The following FXR1 variants were observed in gnomAD, a reference collection of about 807,000 sequenced individuals.
FXR1 encodes RNA-binding protein FXR1.
A neutral mutation model predicts 84.0 loss-of-function variants in FXR1; 15 were observed. That is an observed-to-expected ratio of 0.18 (90% CI 0.12 to 0.27). The LOEUF (loss-of-function observed/expected upper bound fraction) is 0.27. Among genes scored for constraint, FXR1 ranks in the 10% least tolerant of loss-of-function variants. FXR1 has a pLI of 1.00. For synonymous variants in FXR1, 245 were observed against 250.7 expected (o/e 0.98, Z 0.21); for missense variants, 480 against 774.4 (o/e 0.62, Z 4.51).
chr3:180,963,241 A>G (rs1712372108), intron 13 of FXR1, 151 bp downstream of exon 13: 1 of 549,730 alleles, frequency 1.8e-6, no homozygotes, highest in Non-Finnish European at 3.2e-6. Context: ...ACACGTCTTA[A>G]TAGTAGTGAT....
intron 3 of FXR1, among the ~76,000 whole-genome samples, chr3:180,938,986 C>T (rs1210023897): frequency 1.3e-5 from 2 of 152,040 alleles, no homozygotes; most frequent in South Asian, 2.1e-4. Flanking sequence ...ACCTCCACCT[C>T]CCGATTTTAA....
At position 180,968,260 on chromosome 3, in the gene FXR1, C is replaced by T. The variant is rs775609232; in HGVS notation, c.1402+6C>T. On this transcript the variant is annotated splice_donor_region_variant and intron_variant, in intron 14 of 16. Transcript: ENST00000357559. ...CAAATCCTCCATCAGTTCTGGTAGTCTTTTCTATACTCTGTCAGCATCCAT... is the reference window on the plus strand; with the variant it reads ...CAAATCCTCCATCAGTTCTGGTAGTTTTTTCTATACTCTGTCAGCATCCAT... 1.2e-4 allele frequency: 186 copies of T among 1,544,810 alleles called. No homozygotes were observed. The highest frequency in any genetic ancestry group is 1.6e-4 in the Non-Finnish European group (175 of 1,117,534).
At position 180,955,289 on chromosome 3, in the gene FXR1, G is replaced by A. The variant is rs141002367; in HGVS notation, c.880+1449G>A. Among the ~76,000 whole-genome samples the A allele has an allele frequency of 8.5e-3, 1,295 of 152,100 alleles. 23 individuals are homozygous for A. Among genetic ancestry groups the A allele is most frequent in the African/African-American group, 0.03 (1,233 of 41,494 alleles). ...GCTGGGATTACAGGCGTGATCCACC[G>A]CGCCCGGATGTAAAAAGCCTTTCAA... On this transcript the variant is annotated intron_variant, in intron 9 of 16. Transcript: ENST00000357559.
At chr3:180,941,435 A>G (rs1378716563) in intron 3 of FXR1, among the ~76,000 whole-genome samples, 1 of 151,998 alleles carries the variant, frequency 6.6e-6, no homozygotes, top group Non-Finnish European at 1.5e-5. Context: ...TCAAGCAGTC[A>G]CCCACCTCAG....
intron 3 of FXR1, among the ~76,000 whole-genome samples, chr3:180,941,116 G>A (rs1029823711): frequency 6.6e-6 from 1 of 151,566 alleles, no homozygotes; most frequent in Non-Finnish European, 1.5e-5. Flanking sequence ...AGAGAAATTG[G>A]ATTAAAAAAG....
At chr3:180,962,084 G>A (rs532885709) in intron 11 of FXR1, among the ~76,000 whole-genome samples, 7 of 152,090 alleles carry the variant, frequency 4.6e-5, no homozygotes, top group Non-Finnish European at 1.0e-4. Context: ...AGGGTTTTTA[G>A]AAAAATATGA....
At chr3:180,955,834 TC>T (rs1486889638) in intron 9 of FXR1, among the ~76,000 whole-genome samples, 1 of 152,200 alleles carries the variant, frequency 6.6e-6, no homozygotes, top group Non-Finnish European at 1.5e-5. Flanking sequence ...AGTTCTTTGT[TC>T]TCTTTATTCA....
At chr3:180,952,814 A>C (rs1003411823) in intron 8 of FXR1, among the ~76,000 whole-genome samples, 2 of 151,362 alleles carry the variant, frequency 1.3e-5, no homozygotes, top group Non-Finnish European at 2.9e-5. Context: ...AAAATTTAAA[A>C]AAAATTTTAT....
intron 10 of FXR1, among the ~76,000 whole-genome samples, chr3:180,959,757 G>C (rs183096387): frequency 1.3e-5 from 2 of 151,076 alleles, no homozygotes; most frequent in East Asian, 3.9e-4. Flanking sequence ...CTTGTTTCAT[G>C]CTTTCATAGT....
At chr3:180,919,903 T>C (rs1474366953) in intron 1 of FXR1, among the ~76,000 whole-genome samples, 1 of 151,926 alleles carries the variant, frequency 6.6e-6, no homozygotes, top group Non-Finnish European at 1.5e-5. Context: ...GCTGACCTTA[T>C]GATCTTCCTG....
At chr3:180,965,272 C>T (rs2108487707) in intron 13 of FXR1, among the ~76,000 whole-genome samples, 1 of 152,212 alleles carries the variant, frequency 6.6e-6, no homozygotes. Context: ...TACCTCGCCT[C>T]CCAAAGTGCT....
intron 5 of FXR1, 78 bp from the exon 6 acceptor site, chr3:180,948,643 A>G (rs948388678): frequency 4.1e-6 from 4 of 964,742 alleles, no homozygotes; most frequent in African/African-American, 1.6e-5. Flanking sequence ...TCAAAATGAA[A>G]CACTGACTTT....
chr3:180,958,812 T>C (rs1277849174), intron 10 of FXR1, among the ~76,000 whole-genome samples: 1 of 151,378 alleles, frequency 6.6e-6, no homozygotes, highest in African/African-American at 2.4e-5. Flanking sequence ...GACTTTTTTT[T>C]TTTTTTTTTT....
At chr3:180,967,437 T>A (rs1483322217) in intron 13 of FXR1, among the ~76,000 whole-genome samples, 6 of 152,138 alleles carry the variant, frequency 3.9e-5, no homozygotes, top group Non-Finnish European at 8.8e-5. Context: ...TTTCTAAATA[T>A]GATTAATTTA....
rs113817018 is a variant in FXR1 at position 180,927,249 on chromosome 3, A to G, written c.52-6085A>G. ...ATTTAGTGAAAAGAGCTCAAGACAG[A>G]TGAGATTTTAAATTTGTACTTTTAA... is the stretch of plus-strand genomic sequence containing the variant. On this transcript the variant is annotated intron_variant, in intron 1 of 16. Transcript: ENST00000357559. 5.5e-3 allele frequency among the ~76,000 whole-genome samples: 831 copies of G among 152,212 alleles called. 3 individuals are homozygous for G. Among genetic ancestry groups the G allele is most frequent in the African/African-American group, 0.019 (783 of 41,572 alleles).
chr3:180,970,275 G>A lies in FXR1; in HGVS notation c.1520G>A (p.Arg507His). ...AGTACTAACCGTCGTAGGCGGTCTC[G>A]TAGACGAAGGACTGATGAAGATGCT... Reference protein sequence around the residue: ...HHSTNRRRRSRRRRTDEDAVL... With the variant: ...HHSTNRRRRSHRRRTDEDAVL... The change falls in exon 15 of 17, where the codon CGT (arginine) becomes CAT (histidine). Residue 507 changes from arginine to histidine, a missense_variant. By Grantham distance (29) the Arg-to-His change is conservative. Coordinates refer to ENST00000357559, the MANE Select transcript of FXR1 (RefSeq NM_005087.4). 1.2e-6 allele frequency: 2 copies of A among 1,602,422 alleles called. No homozygotes were observed. Among genetic ancestry groups the A allele is most frequent in the Non-Finnish European group, 1.7e-6 (2 of 1,170,074 alleles).
intron 15 of FXR1, among the ~76,000 whole-genome samples, chr3:180,974,787 TAAAAC>T (rs753294024): frequency 1.4e-4 from 21 of 152,082 alleles, no homozygotes; most frequent in African/African-American, 2.2e-4. Flanking sequence ...TGTGAAACGT[TAAAAC>T]AAAACCATAG....
intron 1 of FXR1, among the ~76,000 whole-genome samples, chr3:180,929,080 C>A (rs1215371873): frequency 1.3e-5 from 2 of 152,120 alleles, no homozygotes; most frequent in Non-Finnish European, 2.9e-5. Context: ...CGCCACCACA[C>A]CCTGCTAATG....
chr3:180,925,145 G>A (rs1719018321), intron 1 of FXR1, among the ~76,000 whole-genome samples: 1 of 152,078 alleles, frequency 6.6e-6, no homozygotes, highest in South Asian at 2.1e-4. Flanking sequence ...GGTGGATCAC[G>A]AGGTCAGGAG....
Sources: gnomAD v4.1 joint callset for allele counts (sites outside exome capture counted in the v4.1 genomes callset) on GRCh38, gnomAD v4.1.1 for gene constraint, MANE v1.5 for transcripts, NCBI Gene and HGNC (gene_info 2026-07-23, HGNC 2026-07-21) for gene names.